The following VWA8 variants were observed in gnomAD, a reference collection of about 807,000 sequenced individuals.
The protein encoded by VWA8 is von Willebrand factor A domain-containing protein 8.
A neutral mutation model predicts 241.5 loss-of-function variants in VWA8; 221 were observed. The ratio of observed to expected loss-of-function variants is 0.91; its 90% CI spans 0.82 to 1.02. The LOEUF (loss-of-function observed/expected upper bound fraction) is 1.02, where lower values mean the gene tolerates loss of function less well. Ranked by LOEUF, VWA8 falls within the 50% of genes least tolerant of loss-of-function variation. The pLI is 0.00. For synonymous variants in VWA8, 852 were observed against 827.1 expected, an observed-to-expected ratio of 1.03 and a Z score of -0.52; for missense variants, 2,322 against 2,328.7, an observed-to-expected ratio of 1.00 and a Z score of 0.06.
chr13:41,800,780 G>A (rs1392049808), intron 17 of VWA8, among the ~76,000 whole-genome samples: 1 of 138,104 alleles, frequency 7.2e-6, no homozygotes, highest in Non-Finnish European at 1.5e-5. Flanking sequence ...GTGACAGAGC[G>A]AGACTCCATC....
chr13:41,766,703 G>A (rs1245694271), intron 20 of VWA8, among the ~76,000 whole-genome samples: 3 of 152,040 alleles, frequency 2.0e-5, no homozygotes, highest in African/African-American at 7.2e-5. Context: ...TATCTGTCCC[G>A]TTGTTTTCTC....
chr13:41,895,362 T>C lies in VWA8; in HGVS notation c.484-3775A>G, dbSNP rs114725249. 3.8e-3 allele frequency among the ~76,000 whole-genome samples: 579 copies of C among 152,230 alleles called. 2 individuals carry two copies. The highest frequency in any genetic ancestry group is 0.013 in the African/African-American group (543 of 41,548). On this transcript the variant is annotated intron_variant, in intron 4 of 44. Coordinates refer to ENST00000379310, the MANE Select transcript of VWA8 (RefSeq NM_015058.2). ...GTAGAGTAAGAACTAAAAAAAGTCA[T>C]TAAATAATCACATCTAGAGGTTACT...
intron 20 of VWA8, among the ~76,000 whole-genome samples, chr13:41,767,903 T>C (rs2045790358): frequency 6.6e-6 from 1 of 152,222 alleles, no homozygotes; most frequent in South Asian, 2.1e-4. Context: ...TCAATGTGTC[T>C]GCAGGAACAA....
In VWA8 at chr13:41,699,151, T is replaced by G; in HGVS notation, c.3484A>C (p.Asn1162His). 6.2e-7 allele frequency: 1 copy of G among 1,614,128 alleles called. No homozygotes were observed. Among genetic ancestry groups the G allele is most frequent in the Non-Finnish European group, 8.5e-7 (1 of 1,179,994 alleles). ...DFFDIFPRTA[N>H]GVWHPFVTVA... ...GTCACAAAAGGGTGCCAAACGCCAT[T>G]GGCTGTTCTTGGGAAGATATCAAAA... The change falls in exon 29 of 45, where the codon AAT becomes CAT. Residue 1162 changes from asparagine (N) to histidine (H), a missense_variant. Physicochemically the swap from Asn to His is moderately conservative, Grantham distance 68. Transcript: ENST00000379310.
chr13:41,715,280 A>T (rs1555324653), intron 26 of VWA8, among the ~76,000 whole-genome samples: 2 of 151,820 alleles, frequency 1.3e-5, no homozygotes, highest in Non-Finnish European at 2.9e-5. Flanking sequence ...TAATCATAAC[A>T]TTGTTGTTGT....
rs1871976570 is a variant in VWA8, at chr13:41,841,068, C to G, written c.1426-7537G>C. ...AAAACTGAGGTATGAGAAGGTCAAA[C>G]AGTTTACCCAATCAAGGACACACAG... On this transcript the variant is annotated intron_variant, in intron 12 of 44. Coordinates refer to ENST00000379310, the MANE Select transcript of VWA8 (RefSeq NM_015058.2). Among the ~76,000 whole-genome samples, 3 of 152,270 alleles carry G rather than the reference C, an allele frequency of 2.0e-5. 1 individual carries two copies. The highest frequency in any genetic ancestry group is 4.1e-4 in the South Asian group (2 of 4,828).
chr13:41,671,895 G>T (rs1052548394), intron 36 of VWA8, among the ~76,000 whole-genome samples: 2 of 152,124 alleles, frequency 1.3e-5, no homozygotes, highest in Non-Finnish European at 2.9e-5. Flanking sequence ...ATAGTATTCT[G>T]CTGTAACAGC....
At chr13:41,729,828 C>CACACACAT (rs1325272827) in intron 22 of VWA8, 151 bp from the exon 23 acceptor site, 9 of 596,060 alleles carry the variant, frequency 1.5e-5, no homozygotes, top group African/African-American at 1.3e-4. Flanking sequence ...CACACACACA[C>CACACACAT]ACACACACAC....
At position 41,833,360 on chromosome 13, in the gene VWA8, C is replaced by A; in HGVS notation, c.1586+11G>T. On this transcript the variant is annotated intron_variant, in intron 13 of 44. Coordinates refer to ENST00000379310, the MANE Select transcript of VWA8 (RefSeq NM_015058.2). ...GTGTGTCTGTGTGTGATTTTTGTGACTCATACCCACCTTTGCAATACAGCA... is the reference window on the plus strand; with the variant it reads ...GTGTGTCTGTGTGTGATTTTTGTGAATCATACCCACCTTTGCAATACAGCA... The A allele has an allele frequency of 6.3e-7, 1 of 1,597,526 alleles. No homozygotes were observed.
chr13:41,708,322 C>T (rs1392690965), intron 26 of VWA8, among the ~76,000 whole-genome samples: 5 of 151,792 alleles, frequency 3.3e-5, no homozygotes, highest in Non-Finnish European at 7.4e-5. Context: ...GATCGCGCCA[C>T]TGCACTCCAG....
chr13:41,758,167 C>T (rs931231936), intron 21 of VWA8, among the ~76,000 whole-genome samples: 1 of 150,842 alleles, frequency 6.6e-6, no homozygotes, highest in East Asian at 1.9e-4. Flanking sequence ...AAACAGATAA[C>T]CTTCAGTTCC....
At chr13:41,730,028 A>AT (rs1412694714) in intron 22 of VWA8, among the ~76,000 whole-genome samples, 1 of 152,182 alleles carries the variant, frequency 6.6e-6, no homozygotes, top group Non-Finnish European at 1.5e-5. Flanking sequence ...ACAAATAGAG[A>AT]AAGTGCCATG....
At chr13:41,842,073 C>G (rs1872082363) in intron 12 of VWA8, among the ~76,000 whole-genome samples, 3 of 151,328 alleles carry the variant, frequency 2.0e-5, no homozygotes, top group Admixed American at 2.0e-4. Context: ...AAAGAATATA[C>G]CAAGAATAAG....
chr13:41,868,563 G>A, intron 9 of VWA8, 86 bp from the exon 10 acceptor site: 1 of 1,411,072 alleles, frequency 7.1e-7, no homozygotes. Flanking sequence ...TTAATTACAA[G>A]TGAAATCCAT....
intron 12 of VWA8, among the ~76,000 whole-genome samples, chr13:41,841,552 C>T (rs1302421124): frequency 6.6e-6 from 1 of 151,030 alleles, no homozygotes; most frequent in African/African-American, 2.4e-5. Flanking sequence ...TTTGGGAGGC[C>T]GAGGCAGGTG....
intron 37 of VWA8, among the ~76,000 whole-genome samples, chr13:41,655,551 T>C (rs1274870365): frequency 2.6e-5 from 4 of 152,178 alleles, no homozygotes; most frequent in Non-Finnish European, 5.9e-5. Context: ...AATTATATTT[T>C]ATGAAAAAAT....
chr13:41,626,543 A>T (rs1182359811), intron 37 of VWA8, among the ~76,000 whole-genome samples: 1 of 152,200 alleles, frequency 6.6e-6, no homozygotes, highest in African/African-American at 2.4e-5. Flanking sequence ...AGTAACCAAA[A>T]CAGCATGGTG....
Position 41,568,323 on chromosome 13 carries a change from G to C in VWA8, c.5610-18C>G. ...TCTGAAGCCTGCCAGGATGGAAAGGGAAAGGAAGTTACCACTGTAAATGGG... is the reference window on the plus strand; with the variant it reads ...TCTGAAGCCTGCCAGGATGGAAAGGCAAAGGAAGTTACCACTGTAAATGGG... On this transcript the variant is annotated intron_variant, in intron 44 of 44. Coordinates refer to ENST00000379310, the MANE Select transcript of VWA8 (RefSeq NM_015058.2). The C allele has an allele frequency of 6.8e-6, 11 of 1,609,528 alleles. No homozygotes were observed. Among genetic ancestry groups the C allele is most frequent in the Non-Finnish European group, 9.4e-6 (11 of 1,175,890 alleles).
At position 41,572,742 on chromosome 13, in the gene VWA8, A is replaced by G. The variant is rs1239252295; in HGVS notation, c.5371-2036T>C. Among the ~76,000 whole-genome samples, 5 of 147,830 alleles carry G rather than the reference A, an allele frequency of 3.4e-5. No individual in the cohort carries two copies. The East Asian group carries it at 6.1e-4, about 18-fold the overall frequency. On this transcript the variant is annotated intron_variant, in intron 43 of 44. Transcript: ENST00000379310. ...CTGACCTTCCCTCCACTATTGTCCTATGACCCTGCCAAATCCCCCTCTCCG... is the reference window on the plus strand; with the variant it reads ...CTGACCTTCCCTCCACTATTGTCCTGTGACCCTGCCAAATCCCCCTCTCCG...
Sources: gnomAD v4.1 joint callset for allele counts (sites outside exome capture counted in the v4.1 genomes callset) on GRCh38, gnomAD v4.1.1 for gene constraint, MANE v1.5 for transcripts, NCBI Gene and HGNC (gene_info 2026-07-23, HGNC 2026-07-21) for gene names.